Variants in R3HCC1L observed in about 807,000 individuals in gnomAD.
The protein encoded by R3HCC1L is R3H domain and coiled-coil containing 1 like, also known as coiled-coil domain-containing protein R3HCC1L.
R3HCC1L carries 51 observed loss-of-function variants against 59.9 expected under a neutral mutation model. The observed-to-expected ratio is 0.85, with a 90% CI of 0.68 to 1.07. R3HCC1L has a LOEUF of 1.07. R3HCC1L is among the 50% of genes least tolerant of loss of function. The pLI is 0.00. For synonymous variants in R3HCC1L, 322 were observed against 315.2 expected (o/e 1.02, Z -0.23); for missense variants, 965 against 933.0 (o/e 1.03, Z -0.45).
At chr10:98,152,471 C>T (rs528378121) in intron 1 of R3HCC1L, among the ~76,000 whole-genome samples, 5 of 133,708 alleles carry the variant, frequency 3.7e-5, no homozygotes, top group African/African-American at 1.0e-4. Flanking sequence ...AAGTGAGGAG[C>T]GCCTCTTCCC....
chr10:98,204,691 C>CTT (rs2135178772), intron 4 of R3HCC1L, among the ~76,000 whole-genome samples: 1 of 152,104 alleles, frequency 6.6e-6, no homozygotes, highest in South Asian at 2.1e-4. Flanking sequence ...CTATAATATA[C>CTT]TTTGAGAGAC....
At chr10:98,216,498 A>G (rs1005655698) in intron 5 of R3HCC1L, among the ~76,000 whole-genome samples, 1 of 152,164 alleles carries the variant, frequency 6.6e-6, no homozygotes, top group Non-Finnish European at 1.5e-5. Context: ...GGGCAACAGA[A>G]TGAGACCCTG....
At chr10:98,172,649 G>C (rs1317471742) in intron 4 of R3HCC1L, among the ~76,000 whole-genome samples, 4 of 152,148 alleles carry the variant, frequency 2.6e-5, no homozygotes, top group Admixed American at 2.6e-4. Flanking sequence ...AGATTTAGCG[G>C]AACAGGCAGC....
At chr10:98,215,845 A>C (rs1373692417) in intron 5 of R3HCC1L, among the ~76,000 whole-genome samples, 1 of 152,242 alleles carries the variant, frequency 6.6e-6, no homozygotes, top group African/African-American at 2.4e-5. Flanking sequence ...GATGAAATGT[A>C]TATATCCAAC....
intron 1 of R3HCC1L, among the ~76,000 whole-genome samples, chr10:98,152,763 C>T (rs1436251704): frequency 6.7e-5 from 10 of 148,706 alleles, no homozygotes; most frequent in East Asian, 2.0e-4. Flanking sequence ...GCAGCCGCCC[C>T]GTCTGAGAAG....
chr10:98,208,598 C>G lies in R3HCC1L; in HGVS notation c.484C>G (p.Leu162Val). The change falls in exon 5 of 10, where the codon CTT becomes GTT. Residue 162 changes from leucine (L) to valine (V), a missense_variant. By Grantham distance (32) the Leu-to-Val change is conservative. Coordinates refer to ENST00000298999, the MANE Select transcript of R3HCC1L (RefSeq NM_001351015.2). ...TTDVTGHERI[L>V]LSQACLEISE... ...GGATGTGACAGGACATGAGAGGATA[C>G]TTCTTTCACAGGCCTGTTTAGAAAT... is the stretch of plus-strand genomic sequence containing the variant. 6.2e-7 allele frequency: 1 copy of G among 1,614,092 alleles called. No individual in the cohort carries two copies. Among genetic ancestry groups the G allele is most frequent in the Middle Eastern group, 1.7e-4 (1 of 6,058 alleles).
At chr10:98,216,712 A>G (rs1285338934) in intron 5 of R3HCC1L, among the ~76,000 whole-genome samples, 1 of 152,104 alleles carries the variant, frequency 6.6e-6, no homozygotes, top group African/African-American at 2.4e-5. Context: ...AGCTGGGACC[A>G]CAGGAGTATA....
chr10:98,202,985 C>T (rs1035507910), intron 4 of R3HCC1L, among the ~76,000 whole-genome samples: 2 of 152,124 alleles, frequency 1.3e-5, no homozygotes, highest in Non-Finnish European at 2.9e-5. Flanking sequence ...GTTAAAGGCA[C>T]TACCTGACCC....
chr10:98,192,185 T>C (rs1337666624), intron 4 of R3HCC1L, among the ~76,000 whole-genome samples: 1 of 151,952 alleles, frequency 6.6e-6, no homozygotes, highest in Non-Finnish European at 1.5e-5. Context: ...TTATATGAAA[T>C]GCTTTTCTTA....
At chr10:98,147,189 G>C (rs892292344) in intron 1 of R3HCC1L, among the ~76,000 whole-genome samples, 2 of 152,060 alleles carry the variant, frequency 1.3e-5, no homozygotes, top group Non-Finnish European at 2.9e-5. Context: ...TCATATACCT[G>C]TTGGCCGTTT....
chr10:98,221,032 C>T (rs1854870852), intron 5 of R3HCC1L, among the ~76,000 whole-genome samples: 1 of 148,926 alleles, frequency 6.7e-6, no homozygotes, highest in Non-Finnish European at 1.5e-5. Context: ...ACATCCTCTC[C>T]AGCACCTGTT....
intron 4 of R3HCC1L, among the ~76,000 whole-genome samples, chr10:98,170,084 T>C (rs1215879236): frequency 6.6e-6 from 1 of 152,146 alleles, no homozygotes; most frequent in Non-Finnish European, 1.5e-5. Context: ...TTGGATTTGA[T>C]GTGCATTATG....
At chr10:98,171,230 A>C (rs1051957283) in intron 4 of R3HCC1L, among the ~76,000 whole-genome samples, 2 of 152,198 alleles carry the variant, frequency 1.3e-5, no homozygotes, top group South Asian at 2.1e-4. Context: ...CAGACATTAC[A>C]ATTTTGAATT....
intron 4 of R3HCC1L, 148 bp from the exon 5 acceptor site, chr10:98,207,953 G>A (rs1219886479): frequency 2.8e-6 from 2 of 703,960 alleles, no homozygotes; most frequent in Admixed American, 6.2e-5. Flanking sequence ...GAGCCTGGAA[G>A]GGCAGAGGTT....
intron 4 of R3HCC1L, among the ~76,000 whole-genome samples, chr10:98,206,311 C>T: frequency 6.9e-6 from 1 of 145,544 alleles, no homozygotes; most frequent in Non-Finnish European, 1.5e-5. Context: ...CGTCTTCTGT[C>T]TTTTGTTTGA....
At chr10:98,187,356 A>G (rs1024141506) in intron 4 of R3HCC1L, among the ~76,000 whole-genome samples, 10 of 152,172 alleles carry the variant, frequency 6.6e-5, no homozygotes, top group Non-Finnish European at 1.2e-4. Context: ...TGGATTGCAG[A>G]TTTTCACATT....
chr10:98,135,609 GGA>G (rs1844492048), intron 1 of R3HCC1L, among the ~76,000 whole-genome samples: 1 of 152,204 alleles, frequency 6.6e-6, no homozygotes, highest in Non-Finnish European at 1.5e-5. Flanking sequence ...AAGTGTCTTT[GGA>G]AACGAATCTG....
intron 1 of R3HCC1L, among the ~76,000 whole-genome samples, chr10:98,137,181 A>C (rs1367129970): frequency 6.6e-6 from 1 of 152,244 alleles, no homozygotes; most frequent in Non-Finnish European, 1.5e-5. Flanking sequence ...ACTGTGCTCC[A>C]GCCTGGCGAC....
At chr10:98,223,695 G>A (rs1855326310) in intron 5 of R3HCC1L, among the ~76,000 whole-genome samples, 1 of 152,024 alleles carries the variant, frequency 6.6e-6, no homozygotes. Flanking sequence ...GTGGTTAGTG[G>A]AAGCTGTAGT....
Sources: allele counts gnomAD v4.1 joint callset (sites outside exome capture counted in the v4.1 genomes callset), GRCh38; gene constraint gnomAD v4.1.1; transcripts MANE v1.5; gene names NCBI Gene and HGNC (gene_info 2026-07-23, HGNC 2026-07-21).